ASIC2: variants seen among roughly 807,000 people sequenced by gnomAD.
The protein encoded by ASIC2 is acid-sensing ion channel 2.
ASIC2 carries 25 observed loss-of-function variants against 57.3 expected under a neutral mutation model. The ratio of observed to expected loss-of-function variants is 0.44; its 90% confidence interval spans 0.32 to 0.61. The LOEUF (loss-of-function observed/expected upper bound fraction) is 0.61, where lower values mean the gene tolerates loss of function less well. ASIC2 is among the 20% of genes least tolerant of loss of function. ASIC2 has a pLI of 0.06. For missense variants in ASIC2, 641 were observed against 738.1 expected (o/e 0.87, Z 1.52); for synonymous variants, 319 against 307.5 (o/e 1.04, Z -0.39).
intron 1 of ASIC2, among the ~76,000 whole-genome samples, chr17:33,144,476 T>G (rs1398396733): frequency 6.6e-6 from 1 of 152,164 alleles, no homozygotes; most frequent in Non-Finnish European, 1.5e-5. Context: ...CAACAGCACT[T>G]GAACCCTGTG....
At chr17:33,720,005 TG>T (rs1909339177) in intron 1 of ASIC2, among the ~76,000 whole-genome samples, 1 of 152,184 alleles carries the variant, frequency 6.6e-6, no homozygotes, top group Admixed American at 6.5e-5. Flanking sequence ...CCTCAGCCCC[TG>T]AGTATCGGGG....
At position 33,435,956 on chromosome 17, in the gene ASIC2, G is replaced by A. The variant is rs189073559; in HGVS notation, c.556-323889C>T. Among the ~76,000 whole-genome samples, 20 of 152,312 alleles carry A rather than the reference G, an allele frequency of 1.3e-4. No individual in the cohort carries two copies. In the East Asian group the frequency reaches 2.5e-3, roughly 19 times the overall value. On this transcript the variant is annotated intron_variant, in intron 1 of 9. Coordinates refer to the ASIC2 transcript ENST00000359872. ...CACAAGTCAGCAATTAGCAAAACCC[G>A]GGAGAAATCAGGTCAGATGACTCAG...
At chr17:33,238,552 T>C (rs899672719) in intron 1 of ASIC2, among the ~76,000 whole-genome samples, 1 of 152,230 alleles carries the variant, frequency 6.6e-6, no homozygotes, top group African/African-American at 2.4e-5. Context: ...TCTGTGAGAT[T>C]TGACCTCACC....
chr17:33,441,860 T>C (rs1911833965), intron 1 of ASIC2, among the ~76,000 whole-genome samples: 1 of 152,222 alleles, frequency 6.6e-6, no homozygotes, highest in Non-Finnish European at 1.5e-5. Flanking sequence ...TTCTGAAGCC[T>C]CCTCCGTCAA....
chr17:33,683,236 T>A (rs1908066150), intron 1 of ASIC2, among the ~76,000 whole-genome samples: 1 of 152,306 alleles, frequency 6.6e-6, no homozygotes, highest in African/African-American at 2.4e-5. Context: ...CCCAGCTAAA[T>A]TTTTGTATTT....
intron 1 of ASIC2, among the ~76,000 whole-genome samples, chr17:33,663,049 G>A (rs186626494): frequency 2.0e-4 from 30 of 152,228 alleles, no homozygotes; most frequent in Middle Eastern, 3.4e-3. Flanking sequence ...ACTCGCATGC[G>A]CCTGCACGCA....
At chr17:33,363,176 T>A (rs1262365544) in intron 1 of ASIC2, among the ~76,000 whole-genome samples, 1 of 152,116 alleles carries the variant, frequency 6.6e-6, no homozygotes, top group Non-Finnish European at 1.5e-5. Flanking sequence ...ACTTTTACAT[T>A]TCAAAAGACT....
chr17:33,447,800 A>G (rs1433232678), intron 1 of ASIC2, among the ~76,000 whole-genome samples: 3 of 151,872 alleles, frequency 2.0e-5, no homozygotes, highest in East Asian at 3.9e-4. Context: ...TAGGGTGACT[A>G]TAGCTTACAA....
intron 1 of ASIC2, among the ~76,000 whole-genome samples, chr17:33,405,215 C>T (rs1391977432): frequency 6.6e-6 from 1 of 152,000 alleles, no homozygotes; most frequent in Non-Finnish European, 1.5e-5. Context: ...GTCTTTGCCC[C>T]CATGGAGGAG....
chr17:33,015,669 C>G (rs939050073), intron 9 of ASIC2, among the ~76,000 whole-genome samples: 9 of 152,232 alleles, frequency 5.9e-5, no homozygotes, highest in Admixed American at 5.9e-4. Context: ...AGTTCTCCCC[C>G]TGCTGTGAGA....
At chr17:33,839,218 G>A (rs116099744) in intron 1 of ASIC2, among the ~76,000 whole-genome samples, 211 of 152,270 alleles carry the variant, frequency 1.4e-3, no homozygotes, top group African/African-American at 4.7e-3. Flanking sequence ...CCTATGAAAT[G>A]CTCCAGAAGC....
At chr17:33,779,923 G>A (rs1911396045) in intron 1 of ASIC2, among the ~76,000 whole-genome samples, 1 of 149,762 alleles carries the variant, frequency 6.7e-6, no homozygotes, top group African/African-American at 2.5e-5. Context: ...CATACCTAGT[G>A]GGTGACAGAA....
intron 1 of ASIC2, among the ~76,000 whole-genome samples, chr17:33,578,785 TCC>T (rs1555545001): frequency 9.2e-6 from 1 of 109,078 alleles, no homozygotes; most frequent in Non-Finnish European, 1.8e-5. Flanking sequence ...TTTCGCATAA[TCC>T]TAAGATTAGT....
chr17:33,042,933 G>GC, intron 3 of ASIC2, among the ~76,000 whole-genome samples: 1 of 145,400 alleles, frequency 6.9e-6, no homozygotes, highest in East Asian at 2.0e-4. Context: ...TCCCTGTTTT[G>GC]TTTTTTTTTT....
chr17:33,377,690 T>G (rs1354272551), intron 1 of ASIC2, among the ~76,000 whole-genome samples: 2 of 152,256 alleles, frequency 1.3e-5, no homozygotes, highest in East Asian at 3.8e-4. Context: ...ATCACACCAT[T>G]CTTCTAGGCT....
At chr17:33,289,452 C>T (rs1905328730) in intron 1 of ASIC2, among the ~76,000 whole-genome samples, 1 of 152,140 alleles carries the variant, frequency 6.6e-6, no homozygotes, top group African/African-American at 2.4e-5. Context: ...TGGGGTGGCT[C>T]CACTTTCCAC....
At chr17:33,356,585 G>A (rs1428505989) in intron 1 of ASIC2, among the ~76,000 whole-genome samples, 2 of 152,108 alleles carry the variant, frequency 1.3e-5, no homozygotes, top group Admixed American at 6.5e-5. Flanking sequence ...AGCAGGAAGG[G>A]GAACTAGAAA....
chr17:33,879,555 C>T (rs868179820), intron 1 of ASIC2, among the ~76,000 whole-genome samples: 13 of 152,206 alleles, frequency 8.5e-5, no homozygotes, highest in South Asian at 4.1e-4. Context: ...GAAGAGCTAA[C>T]TATCCTAAAT....
chr17:33,822,294 G>A (rs756629883), intron 1 of ASIC2, among the ~76,000 whole-genome samples: 8 of 152,154 alleles, frequency 5.3e-5, no homozygotes, highest in Non-Finnish European at 1.0e-4. Context: ...GGGCTTTAGA[G>A]GTAACACTTT....
Sources: allele counts gnomAD v4.1 joint callset (sites outside exome capture counted in the v4.1 genomes callset), GRCh38; gene constraint gnomAD v4.1.1; transcripts MANE v1.5; gene names NCBI Gene and HGNC (gene_info 2026-07-23, HGNC 2026-07-21).